The following KLHL18 variants were observed in gnomAD, a reference collection of about 807,000 sequenced individuals.
The protein encoded by KLHL18 is kelch-like protein 18.
Under a neutral mutation model 58.5 loss-of-function variants are expected in KLHL18, and 38 were observed. The observed-to-expected ratio is 0.65, with a 90% CI of 0.50 to 0.85. KLHL18 has a LOEUF of 0.85. Ranked by LOEUF, KLHL18 falls within the 40% of genes least tolerant of loss-of-function variation. KLHL18 has a pLI of 0.00. For missense variants in KLHL18, 624 were observed against 778.4 expected (o/e 0.80, Z 2.36); for synonymous variants, 303 against 301.9 (o/e 1.00, Z -0.04).
At chr3:47,300,168 A>C (rs1702985049) in intron 1 of KLHL18, among the ~76,000 whole-genome samples, 3 of 132,050 alleles carry the variant, frequency 2.3e-5, no homozygotes, top group Admixed American at 1.5e-4. Context: ...CTTATCCCTC[A>C]CCTTCTCTCT....
Position 47,314,491 on chromosome 3 carries a change from CT to C in KLHL18, c.130-5151del, listed in dbSNP as rs35538412. Among the ~76,000 whole-genome samples, 43 of 148,264 alleles carry C rather than the reference CT, an allele frequency of 2.9e-4. 1 individual carries two copies. Among genetic ancestry groups the C allele is most frequent in the African/African-American group, 3.5e-4 (14 of 40,492 alleles). Reference sequence around the variant, plus strand: ...ATTCTTACGCTTATTTGTTTTTTGTCTTTTTTTTTTTCTTCCTTTTTGTGAA... The same window carrying C: ...ATTCTTACGCTTATTTGTTTTTTGTCTTTTTTTTTTCTTCCTTTTTGTGAA... On this transcript the variant is annotated intron_variant, in intron 1 of 9. Transcript: ENST00000232766.
chr3:47,307,568 A>T (rs1466823461), intron 1 of KLHL18, among the ~76,000 whole-genome samples: 1 of 151,826 alleles, frequency 6.6e-6, no homozygotes, highest in South Asian at 2.1e-4. Flanking sequence ...TTTTATAAAA[A>T]AAATAGAGAC....
chr3:47,308,791 T>C (rs1294623801), intron 1 of KLHL18, among the ~76,000 whole-genome samples: 1 of 151,696 alleles, frequency 6.6e-6, no homozygotes, highest in East Asian at 1.9e-4. Flanking sequence ...TTTTTTTTAA[T>C]TGATCATTCT....
rs575420548 is a variant in KLHL18 at position 47,334,730 on chromosome 3, G to A, written c.809G>A (p.Arg270Gln). The change falls in exon 6 of 10, where the codon CGG becomes CAG. Residue 270 changes from arginine (R) to glutamine (Q), a missense_variant. Coordinates refer to ENST00000232766, the MANE Select transcript of KLHL18 (RefSeq NM_025010.5). This position sits in a 1 kb window ranked among gnomAD's most constrained non-coding sequence, Gnocchi z 4.7. ...AKDYHLMPER[R>Q]PHLPAFRTRP... ...GACTACCACCTCATGCCAGAGCGCC[G>A]GCCCCACCTGCCAGCTTTCAGAACC... 80 of 1,614,102 alleles carry A rather than the reference G, an allele frequency of 5.0e-5. No homozygotes were observed. In the East Asian group the frequency reaches 1.4e-3, roughly 28 times the overall value.
intron 1 of KLHL18, among the ~76,000 whole-genome samples, chr3:47,284,581 C>G (rs1207173330): frequency 6.6e-6 from 1 of 152,094 alleles, no homozygotes; most frequent in Non-Finnish European, 1.5e-5. Flanking sequence ...CAGCAGTCTG[C>G]CTGTCTCGGC....
Position 47,336,516 on chromosome 3 carries a change from G to A in KLHL18, c.899-19G>A. On this transcript the variant is annotated intron_variant, in intron 6 of 9. Transcript: ENST00000232766. ...AGTGGTCTCATTTGTTTTAATTTGA[G>A]TAGCAAATTTTTATGCAGGTGATTC... 1.2e-6 allele frequency: 2 copies of A among 1,605,994 alleles called. No individual in the cohort carries two copies. The highest frequency in any genetic ancestry group is 1.7e-6 in the Non-Finnish European group (2 of 1,173,032).
At chr3:47,338,265 A>G (rs1559504814) in intron 7 of KLHL18, 1 of 152,124 alleles carries the variant, frequency 6.6e-6, no homozygotes, top group Non-Finnish European at 1.5e-5. Flanking sequence ...TTTACCACCT[A>G]GTTGATAGTT....
At chr3:47,298,353 TAAAAAAAAA>T (rs36006254) in intron 1 of KLHL18, among the ~76,000 whole-genome samples, 15 of 118,522 alleles carry the variant, frequency 1.3e-4, no homozygotes, top group Middle Eastern at 4.2e-3. Context: ...ATCCTGTCTC[TAAAAAAAAA>T]AAAAAAAAAA....
chr3:47,323,228 A>G (rs1325457717), intron 3 of KLHL18, among the ~76,000 whole-genome samples: 1 of 151,990 alleles, frequency 6.6e-6, no homozygotes, highest in Non-Finnish European at 1.5e-5. Flanking sequence ...AGCTGGAACT[A>G]CAGGCACGTG....
rs143039780 is a variant in KLHL18 at position 47,290,262 on chromosome 3, G to A, written c.129+7168G>A. Among the ~76,000 whole-genome samples the A allele has an allele frequency of 1.5e-4, 23 of 152,316 alleles. No individual in the cohort carries two copies. The East Asian group carries it at 4.2e-3, about 28-fold the overall frequency. ...AGGGCAAAGATGTGAATGTCCAGAT[G>A]CCACACCAACATTTTATTTCAGGAG... On this transcript the variant is annotated intron_variant, in intron 1 of 9. Transcript: ENST00000232766.
chr3:47,329,842 G>A (rs932934233), intron 3 of KLHL18, 109 bp from the exon 4 acceptor site: 100 of 845,396 alleles, frequency 1.2e-4, no homozygotes, highest in Admixed American at 5.6e-4. Flanking sequence ...ACAAAGCTGA[G>A]GTTAAGAATT....
intron 3 of KLHL18, among the ~76,000 whole-genome samples, chr3:47,326,298 A>G (rs1460016424): frequency 6.6e-6 from 1 of 152,160 alleles, no homozygotes; most frequent in Non-Finnish European, 1.5e-5. Flanking sequence ...TGGTACACCA[A>G]ATGCGTCAAT....
intron 1 of KLHL18, among the ~76,000 whole-genome samples, chr3:47,289,218 C>T (rs891880274): frequency 1.3e-5 from 2 of 152,176 alleles, no homozygotes; most frequent in African/African-American, 4.8e-5. Context: ...TAGACACACA[C>T]CCTTTATTTT....
At chr3:47,321,503 C>T (rs1016091525) in intron 2 of KLHL18, among the ~76,000 whole-genome samples, 3 of 152,104 alleles carry the variant, frequency 2.0e-5, no homozygotes, top group Admixed American at 6.5e-5. Context: ...GCTCATGCCA[C>T]CACGCCCGGC....
rs1348146860 is a variant in KLHL18, at chr3:47,346,759, A to G, written c.*2818A>G. The G allele has an allele frequency of 6.5e-6, 1 of 152,676 alleles. No individual in the cohort carries two copies. Among genetic ancestry groups the G allele is most frequent in the Admixed American group, 6.5e-5 (1 of 15,292 alleles). 9.5% of individuals were successfully genotyped at this position (152,676 alleles called of 1,614,324 possible). On this transcript the variant is annotated 3_prime_UTR_variant, in exon 10 of 10. Coordinates refer to ENST00000232766, the MANE Select transcript of KLHL18 (RefSeq NM_025010.5). ...GAAAATCTTAGTTCCTTTTATTTAT[A>G]GAATGCATGTCTTTTGTGTTAAGAA... is the stretch of plus-strand genomic sequence containing the variant.
intron 1 of KLHL18, among the ~76,000 whole-genome samples, chr3:47,317,198 C>T (rs183051058): frequency 2.6e-5 from 4 of 152,202 alleles, no homozygotes; most frequent in Admixed American, 2.6e-4. Flanking sequence ...CCGCAACCTC[C>T]GCCTCCCAGG....
Position 47,344,698 on chromosome 3 carries a change from G to A in KLHL18, c.*757G>A, listed in dbSNP as rs1309546940. 6.6e-6 allele frequency: 1 copy of A among 152,584 alleles called. No individual in the cohort carries two copies. The highest frequency in any genetic ancestry group is 2.4e-5 in the African/African-American group (1 of 41,440). 9.5% of individuals were successfully genotyped at this position (152,584 alleles called of 1,614,324 possible). The stretch of plus-strand genomic sequence containing the variant: ...TTTATGTGAACAAATTTTGCAAGAA[G>A]AAAAAAGCATAAAAGACACTAACGG... On this transcript the variant is annotated 3_prime_UTR_variant, in exon 10 of 10. Transcript: ENST00000232766.
chr3:47,318,297 T>C (rs1179675822), intron 1 of KLHL18, among the ~76,000 whole-genome samples: 24 of 152,228 alleles, frequency 1.6e-4, no homozygotes, highest in Admixed American at 1.6e-3. Flanking sequence ...GAGGATGCTC[T>C]TCCAAGCTCA....
At chr3:47,338,415 C>CA (rs893166594) in intron 7 of KLHL18, 4 of 152,262 alleles carry the variant, frequency 2.6e-5, no homozygotes, top group Non-Finnish European at 4.4e-5. Flanking sequence ...GATCTTCCCA[C>CA]AATACTTGCC....
Sources: gnomAD v4.1 joint callset for allele counts (sites outside exome capture counted in the v4.1 genomes callset) on GRCh38, gnomAD v4.1.1 for gene constraint, Gnocchi (gnomAD v3.1) non-coding constraint, MANE v1.5 for transcripts, NCBI Gene and HGNC (gene_info 2026-07-23, HGNC 2026-07-21) for gene names.